The following GRTP1 variants were observed in gnomAD, a reference collection of about 807,000 sequenced individuals.
The protein encoded by GRTP1 is growth hormone regulated TBC protein 1, also known as growth hormone-regulated TBC protein 1.
Under a neutral mutation model 38.1 loss-of-function variants are expected in GRTP1, and 56 were observed. The ratio of observed to expected loss-of-function variants is 1.47; its 90% CI spans 1.19 to 1.84. GRTP1 has a LOEUF of 1.84. GRTP1 is among the 40% of genes most tolerant of loss of function. The pLI is 0.00. For missense variants in GRTP1, 506 were observed against 453.9 expected (o/e 1.11, Z -1.04); for synonymous variants, 217 against 189.5 (o/e 1.14, Z -1.19).
At chr13:113,363,156 C>T (rs1479625054) in intron 2 of GRTP1, among the ~76,000 whole-genome samples, 1 of 152,206 alleles carries the variant, frequency 6.6e-6, no homozygotes, top group Non-Finnish European at 1.5e-5. Flanking sequence ...CCGGTGCTCA[C>T]CGCAGCAGTA....
rs2043062490 is a variant in GRTP1 at position 113,343,981 on chromosome 13, G to A, written c.562+882C>T. Among the ~76,000 whole-genome samples the A allele has an allele frequency of 6.6e-6, 1 of 152,126 alleles. No homozygotes were observed. The highest frequency in any genetic ancestry group is 2.4e-5 in the African/African-American group (1 of 41,406). On this transcript the variant is annotated intron_variant, in intron 5 of 7. Coordinates refer to ENST00000375431, the MANE Select transcript of GRTP1 (RefSeq NM_024719.4). This position sits in a 1 kb window ranked among gnomAD's most constrained non-coding sequence, Gnocchi z 4.8. ...GCACTGGCCTTCACCATAACCCGTGGATAACTTATCCACTAATAAATACAC... is the reference window on the plus strand; with the variant it reads ...GCACTGGCCTTCACCATAACCCGTGAATAACTTATCCACTAATAAATACAC...
At chr13:113,331,411 A>C (rs888251415) in intron 5 of GRTP1, among the ~76,000 whole-genome samples, 2 of 152,072 alleles carry the variant, frequency 1.3e-5, no homozygotes, top group Admixed American at 1.3e-4. Flanking sequence ...CACGGGCTGC[A>C]GCATGGGAGG....
At chr13:113,328,030 A>G (rs909030346) in intron 5 of GRTP1, among the ~76,000 whole-genome samples, 56 of 152,344 alleles carry the variant, frequency 3.7e-4, no homozygotes, top group African/African-American at 1.3e-3. Context: ...TTCCTTGAAC[A>G]TCGAGGGCAA....
At chr13:113,334,251 C>T (rs1397757783) in intron 5 of GRTP1, among the ~76,000 whole-genome samples, 1 of 152,222 alleles carries the variant, frequency 6.6e-6, no homozygotes, top group Middle Eastern at 3.2e-3. Context: ...GGACCTGCTT[C>T]CCCTTCGTCC....
chr13:113,332,289 C>A (rs1320492459), intron 5 of GRTP1, among the ~76,000 whole-genome samples: 2 of 149,960 alleles, frequency 1.3e-5, no homozygotes, highest in African/African-American at 5.0e-5. Context: ...CGTGCACACA[C>A]ACACCACACG....
chr13:113,340,360 T>C (rs1347096238), intron 5 of GRTP1, among the ~76,000 whole-genome samples: 4 of 147,608 alleles, frequency 2.7e-5, no homozygotes, highest in African/African-American at 5.0e-5. Context: ...CCACCTGTGG[T>C]CCCAGCTACT....
At chr13:113,354,030 C>T (rs1259025362) in intron 3 of GRTP1, among the ~76,000 whole-genome samples, 2 of 152,050 alleles carry the variant, frequency 1.3e-5, no homozygotes, top group South Asian at 2.1e-4. Context: ...TCACTGTGAC[C>T]GCACCACTAC....
intron 5 of GRTP1, among the ~76,000 whole-genome samples, chr13:113,331,394 C>G (rs1595477331): frequency 6.6e-6 from 1 of 152,088 alleles, no homozygotes; most frequent in East Asian, 1.9e-4. Flanking sequence ...GCTGGGATAC[C>G]AGGAGGCACG....
In GRTP1 at chr13:113,333,741, T is replaced by C. The variant is rs548039829; in HGVS notation, c.563-7650A>G. ...GCTGCTCTTGAGCAATCTGCCTGCC[T>C]AGGACTCCCAAAATGCTGGGATTAC... On this transcript the variant is annotated intron_variant, in intron 5 of 7. Transcript: ENST00000375431. 6.4e-4 allele frequency among the ~76,000 whole-genome samples: 97 copies of C among 152,108 alleles called. 1 individual carries two copies. The highest frequency in any genetic ancestry group is 2.3e-3 in the African/African-American group (94 of 41,512).
intron 7 of GRTP1, chr13:113,325,205 C>T: frequency 9.0e-7 from 1 of 1,115,058 alleles, no homozygotes. Flanking sequence ...CCAGAGTGGC[C>T]CCGAGCCTCC....
chr13:113,364,035 C>T lies in GRTP1; in HGVS notation c.17G>A (p.Arg6His). 5.4e-6 allele frequency: 7 copies of T among 1,297,546 alleles called. No individual in the cohort carries two copies. Among genetic ancestry groups the T allele is most frequent in the Non-Finnish European group, 6.8e-6 (7 of 1,027,056 alleles). The allele number at this position is 1,297,546 out of a possible 1,614,324, so 80.4% of individuals were successfully genotyped here. MQPAERSRVPRIDPYG... is the reference protein window; with the variant it reads MQPAEHSRVPRIDPYG... ...CGCCACACACCTGGGGACCCGCGAG[C>T]GCTCGGCGGGCTGCATGCGGGGAGG... is the stretch of plus-strand genomic sequence containing the variant. Residue 6 changes from arginine (R) to histidine (H), a missense_variant, in exon 1 of 8, where the codon CGC becomes CAC. By Grantham distance (29) the Arg-to-His change is conservative. Coordinates refer to ENST00000375431, the MANE Select transcript of GRTP1 (RefSeq NM_024719.4).
chr13:113,327,935 G>C (rs1021538668), intron 5 of GRTP1, among the ~76,000 whole-genome samples: 1 of 152,212 alleles, frequency 6.6e-6, no homozygotes, highest in Non-Finnish European at 1.5e-5. Context: ...TCCAAAAATA[G>C]AGGCGCTGAA....
At chr13:113,333,851 G>A (rs1266021729) in intron 5 of GRTP1, among the ~76,000 whole-genome samples, 112 of 127,190 alleles carry the variant, frequency 8.8e-4, no homozygotes, top group African/African-American at 3.2e-3. Context: ...GTGTGTGTGT[G>A]TGTGTGTGTG....
intron 2 of GRTP1, among the ~76,000 whole-genome samples, chr13:113,358,339 T>C (rs1414429485): frequency 6.6e-6 from 1 of 152,186 alleles, no homozygotes; most frequent in African/African-American, 2.4e-5. Context: ...TGAAATAAAC[T>C]AATAGATACA....
intron 2 of GRTP1, among the ~76,000 whole-genome samples, chr13:113,362,030 T>G (rs1341209352): frequency 6.6e-6 from 1 of 152,120 alleles, no homozygotes; most frequent in Non-Finnish European, 1.5e-5. Context: ...GTGCCTGTAA[T>G]CCCAGCTACT....
chr13:113,352,324 T>TATATATATATA (rs1452220409), intron 3 of GRTP1, among the ~76,000 whole-genome samples: 1 of 13,708 alleles, frequency 7.3e-5, no homozygotes, highest in Non-Finnish European at 1.4e-4. Context: ...TTATATATAT[T>TATATATATATA]TTTATATATA....
intron 7 of GRTP1, 65 bp downstream of exon 7, chr13:113,325,596 C>T (rs756415215): frequency 2.4e-5 from 38 of 1,611,246 alleles, no homozygotes; most frequent in Middle Eastern, 1.6e-4. Flanking sequence ...GTCAGAGCAG[C>T]CCCCGGGCTG....
chr13:113,363,205 GGCCCT>G (rs1390611690), intron 2 of GRTP1, among the ~76,000 whole-genome samples: 1 of 152,176 alleles, frequency 6.6e-6, no homozygotes, highest in Non-Finnish European at 1.5e-5. Flanking sequence ...GGTCGAGCAG[GGCCCT>G]GTGGGTCCCG....
chr13:113,363,935 G>C (rs745516608), intron 1 of GRTP1, 25 bp from the exon 2 acceptor site: 1 of 1,605,612 alleles, frequency 6.2e-7, no homozygotes. Context: ...GAAGGAGGCC[G>C]GCGTCCCCGA....
Sources: allele counts gnomAD v4.1 joint callset (sites outside exome capture counted in the v4.1 genomes callset), GRCh38; gene constraint gnomAD v4.1.1; non-coding constraint Gnocchi (gnomAD v3.1); transcripts MANE v1.5; gene names NCBI Gene and HGNC (gene_info 2026-07-23, HGNC 2026-07-21).